Variants in CPNE3 observed in about 807,000 individuals in gnomAD.
The protein encoded by CPNE3 is copine-3.
In CPNE3, 68 loss-of-function variants were observed where a neutral mutation model predicts 63.9. The observed-to-expected ratio is 1.06, with a 90% confidence interval of 0.87 to 1.30. The LOEUF is 1.30. CPNE3 is among the 50% of genes most tolerant of loss of function. The pLI is 0.00. For missense variants in CPNE3, 665 were observed against 578.1 expected, an observed-to-expected ratio of 1.15 and a Z score of -1.54; for synonymous variants, 219 against 197.5, an observed-to-expected ratio of 1.11 and a Z score of -0.91.
chr8:86,527,022 A>C (rs1335835603), intron 2 of CPNE3, among the ~76,000 whole-genome samples: 1 of 152,204 alleles, frequency 6.6e-6, no homozygotes, highest in Non-Finnish European at 1.5e-5. Flanking sequence ...TTCTAATGAT[A>C]ATCTTTGTTA....
At chr8:86,535,286 TC>T (rs1820778089) in intron 6 of CPNE3, among the ~76,000 whole-genome samples, 1 of 152,118 alleles carries the variant, frequency 6.6e-6, no homozygotes, top group African/African-American at 2.4e-5. Context: ...ATTCATGGTT[TC>T]TAGGGCTTTT....
chr8:86,542,028 A>T (rs761339742), intron 8 of CPNE3, among the ~76,000 whole-genome samples: 2 of 152,202 alleles, frequency 1.3e-5, no homozygotes, highest in Non-Finnish European at 2.9e-5. Flanking sequence ...AATATCTTTT[A>T]AACTTTTTTG....
chr8:86,540,822 G>A (rs1820919775), intron 8 of CPNE3, among the ~76,000 whole-genome samples: 1 of 152,076 alleles, frequency 6.6e-6, no homozygotes. Context: ...AAAGCTTTTA[G>A]AAGGCTTTAG....
chr8:86,547,508 T>A, intron 10 of CPNE3: 1 of 508,472 alleles, frequency 2.0e-6, no homozygotes, highest in Admixed American at 3.8e-5. Flanking sequence ...AATCTTAACA[T>A]TGCTACAATT....
At position 86,522,828 on chromosome 8, in the gene CPNE3, T is replaced by C. The variant is rs147403930; in HGVS notation, c.-10-5708T>C. On this transcript the variant is annotated intron_variant, in intron 2 of 16. Coordinates refer to ENST00000517490, the MANE Select transcript of CPNE3 (RefSeq NM_003909.5). The stretch of plus-strand genomic sequence containing the variant: ...TTTTCAGCTGAAGACTGAAGGAACT[T>C]TACTAAAGGGATTTGTAGATAGGCA... Among the ~76,000 whole-genome samples the C allele has an allele frequency of 2.0e-3, 310 of 152,232 alleles. 2 individuals are homozygous for C. Among genetic ancestry groups the C allele is most frequent in the African/African-American group, 7.1e-3 (296 of 41,516 alleles).
At chr8:86,548,158 G>T in intron 11 of CPNE3, 143 bp from the exon 12 acceptor site, 1 of 768,768 alleles carries the variant, frequency 1.3e-6, no homozygotes. Flanking sequence ...TTGTTTAATT[G>T]TCTATGGAAA....
At chr8:86,541,524 C>CA (rs1328370874) in intron 8 of CPNE3, among the ~76,000 whole-genome samples, 3 of 151,690 alleles carry the variant, frequency 2.0e-5, no homozygotes, top group Non-Finnish European at 4.4e-5. Flanking sequence ...GGCAACATGG[C>CA]AAAATACTGT....
intron 8 of CPNE3, among the ~76,000 whole-genome samples, 173 bp from the exon 9 acceptor site, chr8:86,544,567 A>G (rs17609487): frequency 0.054 from 8,263 of 152,268 alleles, 316 homozygotes; most frequent in Non-Finnish European, 0.087. Flanking sequence ...AAGTGTTTCA[A>G]TATTGCTTCT....
intron 8 of CPNE3, among the ~76,000 whole-genome samples, chr8:86,541,866 A>T (rs1820949607): frequency 6.6e-6 from 1 of 152,154 alleles, no homozygotes; most frequent in Admixed American, 6.5e-5. Flanking sequence ...TAGCTATAAA[A>T]ATTATTTTTT....
intron 2 of CPNE3, among the ~76,000 whole-genome samples, chr8:86,517,558 A>G (rs1164555453): frequency 6.6e-6 from 1 of 152,208 alleles, no homozygotes. Flanking sequence ...TATGTGTCAG[A>G]ATTTTTTAAA....
chr8:86,528,117 T>A (rs1337800185), intron 2 of CPNE3, among the ~76,000 whole-genome samples: 1 of 151,652 alleles, frequency 6.6e-6, no homozygotes, highest in East Asian at 1.9e-4. Context: ...CTTGGCTAAT[T>A]TTTTTTATTT....
chr8:86,540,686 T>C (rs1820917675), intron 8 of CPNE3, among the ~76,000 whole-genome samples: 1 of 152,236 alleles, frequency 6.6e-6, no homozygotes, highest in East Asian at 1.9e-4. Flanking sequence ...GCCTTTGGTA[T>C]GTCTGTTGCA....
chr8:86,520,947 C>CT (rs1354911000), intron 2 of CPNE3, among the ~76,000 whole-genome samples: 1 of 151,990 alleles, frequency 6.6e-6, no homozygotes, highest in African/African-American at 2.4e-5. Context: ...CTTTTTGTTT[C>CT]TTTTTTGTTT....
At chr8:86,526,127 G>C (rs1291014574) in intron 2 of CPNE3, among the ~76,000 whole-genome samples, 1 of 152,098 alleles carries the variant, frequency 6.6e-6, no homozygotes, top group Non-Finnish European at 1.5e-5. Flanking sequence ...TACTTGGGAG[G>C]CTGAGGCAGA....
chr8:86,554,478 A>G (rs1429602052), intron 14 of CPNE3, among the ~76,000 whole-genome samples: 2 of 152,244 alleles, frequency 1.3e-5, no homozygotes, highest in Non-Finnish European at 2.9e-5. Flanking sequence ...TTTTATTAAT[A>G]ACTCTTTCTT....
intron 2 of CPNE3, among the ~76,000 whole-genome samples, chr8:86,517,290 AAAG>A (rs1820337063): frequency 6.6e-6 from 1 of 152,240 alleles, no homozygotes; most frequent in Non-Finnish European, 1.5e-5. Flanking sequence ...TCATAAAAAA[AAAG>A]AAGGAAATAC....
At chr8:86,516,655 G>A (rs375642592) in intron 2 of CPNE3, among the ~76,000 whole-genome samples, 2 of 152,280 alleles carry the variant, frequency 1.3e-5, no homozygotes, top group African/African-American at 4.8e-5. Flanking sequence ...CTCCCAAAGT[G>A]CTGGGGTTAC....
chr8:86,540,331 T>A lies in CPNE3; in HGVS notation c.630T>A (p.Ile210=). The A allele has an allele frequency of 6.8e-7, 1 of 1,472,136 alleles. No homozygotes were observed. Among genetic ancestry groups the A allele is most frequent in the Non-Finnish European group, 9.1e-7 (1 of 1,103,890 alleles). The allele number at this position is 1,472,136 out of a possible 1,614,324, so 91.2% of individuals were successfully genotyped here. Residue 210 remains isoleucine (I), a synonymous_variant, in exon 8 of 17, where the codon ATT becomes ATA. Coordinates refer to ENST00000517490, the MANE Select transcript of CPNE3 (RefSeq NM_003909.5). ...SLCYGDMDKT[I]KVECYDYDND... ...GTTACGGAGATATGGACAAAACCAT[T>A]AAGGTAAGTTGAAATTATATATATA...
In CPNE3 at chr8:86,548,382, G is replaced by T. The variant is rs773039697; in HGVS notation, c.961G>T (p.Glu321Ter). ...LHYISPNGVN[E>*]YLTALWSVGL... ...TTACATCAGCCCCAATGGCGTTAAT[G>T]AGTATTTGACTGCTCTCTGGTCTGT... The change falls in exon 12 of 17, where the codon GAG becomes TAG. Residue 321 changes from glutamate (E) to a stop codon, truncating the protein, a stop_gained. Transcript: ENST00000517490. LOFTEE classifies it high-confidence loss of function. 2 of 1,614,162 alleles carry T rather than the reference G, an allele frequency of 1.2e-6. No homozygotes were observed. Among genetic ancestry groups the T allele is most frequent in the East Asian group, 4.5e-5 (2 of 44,880 alleles).
Sources: allele counts gnomAD v4.1 joint callset (sites outside exome capture counted in the v4.1 genomes callset), GRCh38; gene constraint gnomAD v4.1.1; transcripts MANE v1.5; gene names NCBI Gene and HGNC (gene_info 2026-07-23, HGNC 2026-07-21).